Variants in ANKRD46 observed in about 807,000 individuals in gnomAD.
ANKRD46 encodes ankyrin repeat domain 46, also known as ankyrin repeat domain-containing protein 46.
In ANKRD46, 13 loss-of-function variants were observed where a neutral mutation model predicts 19.8. The observed-to-expected ratio is 0.66, with a 90% CI of 0.43 to 1.04. The LOEUF (loss-of-function observed/expected upper bound fraction) is 1.04, where lower values mean the gene tolerates loss of function less well. Among genes scored for constraint, ANKRD46 ranks in the 50% least tolerant of loss-of-function variants. ANKRD46 has a pLI of 0.00. For synonymous variants in ANKRD46, 91 were observed against 106.9 expected (o/e 0.85, Z 0.92); for missense variants, 185 against 274.8 (o/e 0.67, Z 2.31).
Position 100,525,234 on chromosome 8 carries a change from CT to C in ANKRD46, c.471-2464del, listed in dbSNP as rs1464812237. Among the ~76,000 whole-genome samples the C allele has an allele frequency of 3.3e-5, 5 of 152,184 alleles. No individual in the cohort carries two copies. The highest frequency in any genetic ancestry group is 7.4e-5 in the Non-Finnish European group (5 of 68,006). ...CCATGTGCTAGCCAATCTCTTTAAACTTTTTCATCTACATTTATTGAGACAT... is the reference window on the plus strand; with the variant it reads ...CCATGTGCTAGCCAATCTCTTTAAACTTTTCATCTACATTTATTGAGACAT... On this transcript the variant is annotated intron_variant, in intron 4 of 4. Coordinates refer to ENST00000335659, the MANE Select transcript of ANKRD46 (RefSeq NM_001270377.2). This position sits in a 1 kb window ranked among gnomAD's most constrained non-coding sequence, Gnocchi z 4.4.
chr8:100,527,596 A>G lies in ANKRD46; in HGVS notation c.470+249T>C, dbSNP rs55796642. On this transcript the variant is annotated intron_variant, in intron 4 of 4. Coordinates refer to ENST00000335659, the MANE Select transcript of ANKRD46 (RefSeq NM_001270377.2). The surrounding 1 kb of genome is among the most constrained non-coding windows in gnomAD (Gnocchi z 4.0). ...TAATAGCTTCTCAATTGTAATCTGC[A>G]GTCATAAGGTCCTATATAAAGTTCA... Among the ~76,000 whole-genome samples, 1 of 152,184 alleles carries G rather than the reference A, an allele frequency of 6.6e-6. No homozygotes were observed. Among genetic ancestry groups the G allele is most frequent in the East Asian group, 1.9e-4 (1 of 5,202 alleles).
At chr8:100,530,005 C>G (rs1321076225) in intron 2 of ANKRD46, 145 bp from the exon 3 acceptor site, 3 of 589,984 alleles carry the variant, frequency 5.1e-6, no homozygotes, top group Non-Finnish European at 8.7e-6. Context: ...ACAAAGTTAT[C>G]AATTGTATTT....
Position 100,522,513 on chromosome 8 carries a change from C to A in ANKRD46, c.*42G>T, listed in dbSNP as rs747335527. ...GAAACTGAGAACAAACATTGGAAGC[C>A]AGGAAACAGGCAATTAATTGCCTCA... On this transcript the variant is annotated 3_prime_UTR_variant, in exon 5 of 5. Transcript: ENST00000335659. The A allele has an allele frequency of 1.2e-6, 2 of 1,605,432 alleles. No homozygotes were observed. Among genetic ancestry groups the A allele is most frequent in the African/African-American group, 1.3e-5 (1 of 74,660 alleles).
rs1272148246 is a variant in ANKRD46 at position 100,529,144 on chromosome 8, A to G, written c.311+379T>C. Among the ~76,000 whole-genome samples the G allele has an allele frequency of 6.6e-6, 1 of 152,180 alleles. No individual in the cohort carries two copies. Among genetic ancestry groups the G allele is most frequent in the Admixed American group, 6.5e-5 (1 of 15,280 alleles). ...TGTCCAATCCTTTTTTGTCTTCACT[A>G]TCTAATCTGTAAAATGAAAACACCT... On this transcript the variant is annotated intron_variant, in intron 3 of 4. Coordinates refer to ENST00000335659, the MANE Select transcript of ANKRD46 (RefSeq NM_001270377.2). This position sits in a 1 kb window ranked among gnomAD's most constrained non-coding sequence, Gnocchi z 5.8.
downstream of ANKRD46, among the ~76,000 whole-genome samples, chr8:100,517,001 G>C (rs554967384): frequency 6.6e-6 from 1 of 152,198 alleles, no homozygotes; most frequent in East Asian, 1.9e-4. Context: ...GCCGCTTACT[G>C]GCCGTGTTAC....
chr8:100,514,321 A>C (rs1811593817), intron 5 of ANKRD46, among the ~76,000 whole-genome samples: 1 of 152,190 alleles, frequency 6.6e-6, no homozygotes, highest in Non-Finnish European at 1.5e-5. Flanking sequence ...CTATCCATAA[A>C]ATATGCAAAC....
chr8:100,544,510 G>A lies in ANKRD46; in HGVS notation c.-130-11199C>T, dbSNP rs1307351262. The stretch of plus-strand genomic sequence containing the variant: ...CAAGTGATCTTAAGTGATAAATAGC[G>A]AAGGCAGACTTCCAGACTTGAATCA... On this transcript the variant is annotated intron_variant, in intron 1 of 4. Transcript: ENST00000335659. The surrounding 1 kb of genome is among the most constrained non-coding windows in gnomAD (Gnocchi z 4.4). Among the ~76,000 whole-genome samples the A allele has an allele frequency of 1.3e-5, 2 of 152,154 alleles. No homozygotes were observed. The highest frequency in any genetic ancestry group is 2.4e-5 in the African/African-American group (1 of 41,438).
intron 1 of ANKRD46, among the ~76,000 whole-genome samples, chr8:100,542,989 A>C (rs543946556): frequency 7.9e-5 from 12 of 152,322 alleles, no homozygotes; most frequent in Admixed American, 7.2e-4. Context: ...GAGTTAGCTC[A>C]GTTTACATGT....
In ANKRD46 at chr8:100,550,762, T is replaced by C. The variant is rs1812370130; in HGVS notation, c.-131+8949A>G. On this transcript the variant is annotated intron_variant, in intron 1 of 4. Transcript: ENST00000335659. The surrounding 1 kb of genome is among the most constrained non-coding windows in gnomAD (Gnocchi z 4.4). ...GCCATATGGGCCACCACCCTGTTGC[T>C]GTAGCCAAATTCACTGTTGTACGAG... 1 of 449,628 alleles carries C rather than the reference T, an allele frequency of 2.2e-6. No homozygotes were observed. Among genetic ancestry groups the C allele is most frequent in the East Asian group, 5.5e-5 (1 of 18,020 alleles). The allele number at this position is 449,628 out of a possible 1,614,324, so 27.9% of individuals were successfully genotyped here. A position where few individuals can be genotyped will look rare whatever the true frequency, so the allele number is the denominator to read the frequency against.
chr8:100,558,690 T>C (rs1325772713), intron 1 of ANKRD46, among the ~76,000 whole-genome samples: 2 of 152,158 alleles, frequency 1.3e-5, no homozygotes, highest in African/African-American at 2.4e-5. Context: ...GCGCTACATG[T>C]TTGGCTAGAT....
At chr8:100,520,441 T>A (rs753275801), downstream of ANKRD46, among the ~76,000 whole-genome samples, 3 of 152,144 alleles carry the variant, frequency 2.0e-5, no homozygotes, top group East Asian at 5.8e-4. Context: ...ACAAGTTACT[T>A]AGCCATCCCT....
At chr8:100,514,729 C>T (rs1367894687) in intron 5 of ANKRD46, among the ~76,000 whole-genome samples, 1 of 146,608 alleles carries the variant, frequency 6.8e-6, no homozygotes, top group Non-Finnish European at 1.5e-5. Context: ...TCAAGTGATT[C>T]CCAGAGCTCA....
rs1286304284 is a variant in ANKRD46, at chr8:100,537,576, C to A, written c.-130-4265G>T. 6.6e-6 allele frequency among the ~76,000 whole-genome samples: 1 copy of A among 152,154 alleles called. No individual in the cohort carries two copies. The highest frequency in any genetic ancestry group is 2.4e-5 in the African/African-American group (1 of 41,424). ...AATATAATCTCAGAGAACTATAAAACAAAAATTTCCAATGAAGTCATTAAA... is the reference window on the plus strand; with the variant it reads ...AATATAATCTCAGAGAACTATAAAAAAAAAATTTCCAATGAAGTCATTAAA... On this transcript the variant is annotated intron_variant, in intron 1 of 4. Transcript: ENST00000335659. The surrounding 1 kb of genome is among the most constrained non-coding windows in gnomAD (Gnocchi z 4.2).
chr8:100,514,549 C>T (rs1811597038), intron 5 of ANKRD46, among the ~76,000 whole-genome samples: 1 of 148,888 alleles, frequency 6.7e-6, no homozygotes, highest in African/African-American at 2.5e-5. Flanking sequence ...TATTGAACAT[C>T]CTGAAAAGTG....
chr8:100,512,138 G>A (rs746555709), intron 5 of ANKRD46, among the ~76,000 whole-genome samples: 1 of 152,166 alleles, frequency 6.6e-6, no homozygotes, highest in African/African-American at 2.4e-5. Context: ...GAGAATGAAT[G>A]AGCCTGTTTA....
intron 1 of ANKRD46, chr8:100,558,971 G>A (rs1812558005): frequency 6.6e-6 from 1 of 152,018 alleles, no homozygotes; most frequent in Admixed American, 6.5e-5. Context: ...CTCTTTAAGA[G>A]GCTCCTAGGT....
chr8:100,546,503 C>A lies in ANKRD46; in HGVS notation c.-130-13192G>T, dbSNP rs559025896. 1.3e-5 allele frequency among the ~76,000 whole-genome samples: 2 copies of A among 152,326 alleles called. No homozygotes were observed. The highest frequency in any genetic ancestry group is 1.3e-4 in the Admixed American group (2 of 15,296). On this transcript the variant is annotated intron_variant, in intron 1 of 4. Transcript: ENST00000335659. The surrounding 1 kb of genome is among the most constrained non-coding windows in gnomAD (Gnocchi z 4.0). ...AGGAGTTGAGCTTTGGGAACCTCTG[C>A]CTAGATTTCAAAGGACATATGGAAA...
At position 100,529,874 on chromosome 8, in the gene ANKRD46, GGTGA is replaced by G. The variant is rs762127680; in HGVS notation, c.-27-18_-27-15del. 5.8e-5 allele frequency: 91 copies of G among 1,568,700 alleles called. No individual in the cohort carries two copies. Among genetic ancestry groups the G allele is most frequent in the Non-Finnish European group, 7.4e-5 (85 of 1,148,026 alleles). Reference sequence around the variant, plus strand: ...GATGGAACACGCCTGTAATGAAATAGGTGAGTGAGATTCCATGAAGACAAATGAA... The same window carrying G: ...GATGGAACACGCCTGTAATGAAATAGGTGAGATTCCATGAAGACAAATGAA... On this transcript the variant is annotated splice_polypyrimidine_tract_variant and intron_variant, in intron 2 of 4. Coordinates refer to ENST00000335659, the MANE Select transcript of ANKRD46 (RefSeq NM_001270377.2). This position sits in a 1 kb window ranked among gnomAD's most constrained non-coding sequence, Gnocchi z 5.8.
rs1189628116 is a variant in ANKRD46 at position 100,532,873 on chromosome 8, T to C, written c.-28+336A>G. On this transcript the variant is annotated intron_variant, in intron 2 of 4. Transcript: ENST00000335659. This position sits in a 1 kb window ranked among gnomAD's most constrained non-coding sequence, Gnocchi z 4.7. ...ATATCAAGTGCTTTTCAAAAGGTAA[T>C]GTGTTTTGGTTAAATTTTTAAAAAT... Among the ~76,000 whole-genome samples the C allele has an allele frequency of 6.6e-6, 1 of 152,160 alleles. No individual in the cohort carries two copies. The highest frequency in any genetic ancestry group is 2.4e-5 in the African/African-American group (1 of 41,436).
Sources: gnomAD v4.1 joint callset for allele counts (sites outside exome capture counted in the v4.1 genomes callset) on GRCh38, gnomAD v4.1.1 for gene constraint, Gnocchi (gnomAD v3.1) non-coding constraint, MANE v1.5 for transcripts, NCBI Gene and HGNC (gene_info 2026-07-23, HGNC 2026-07-21) for gene names.